The following HECW1 variants were observed in gnomAD, a reference collection of about 807,000 sequenced individuals.
HECW1 encodes E3 ubiquitin-protein ligase HECW1.
HECW1 carries 61 observed loss-of-function variants against 182.3 expected under a neutral mutation model. That is an observed-to-expected ratio of 0.33 (90% CI 0.27 to 0.41). The LOEUF (loss-of-function observed/expected upper bound fraction) is 0.41, where lower values mean the gene tolerates loss of function less well. HECW1 is among the 10% of genes least tolerant of loss of function. The probability of loss-of-function intolerance (pLI) is 1.00; values close to 1 mark genes in which losing one functional copy is unlikely to be tolerated. For missense variants in HECW1, 1,739 were observed against 2,108.9 expected (o/e 0.82, Z 3.44); for synonymous variants, 859 against 832.6 (o/e 1.03, Z -0.55).
Position 43,444,182 on chromosome 7 carries a change from C to T in HECW1, c.1046-36C>T, listed in dbSNP as rs779538719. ...TATCCTAACACCACAATGCTCTCTTCTGGGAGAAATGACATATTTTTCTTC... is the reference window on the plus strand; with the variant it reads ...TATCCTAACACCACAATGCTCTCTTTTGGGAGAAATGACATATTTTTCTTC... On this transcript the variant is annotated intron_variant, in intron 10 of 29. Coordinates refer to ENST00000395891, the MANE Select transcript of HECW1 (RefSeq NM_015052.5). The surrounding 1 kb of genome is among the most constrained non-coding windows in gnomAD (Gnocchi z 4.3). The T allele has an allele frequency of 8.3e-6, 13 of 1,566,572 alleles. No homozygotes were observed. The South Asian group carries it at 1.6e-4, about 19-fold the overall frequency.
rs777991239 is a variant in HECW1, at chr7:43,407,573, A to C, written c.643A>C (p.Met215Leu). ...CCTTTATTTTATAGATTTCCAAGCC[A>C]TGGGGTTGAAGAAAGGGATGTTTTT... ...ISFSLSDFQA[M>L]GLKKGMFFNP... The change falls in exon 8 of 30, where the codon ATG becomes CTG. Residue 215 changes from methionine to leucine, a missense_variant. Met to Leu is a conservative substitution (Grantham distance 15). Transcript: ENST00000395891. The C allele has an allele frequency of 6.2e-7, 1 of 1,611,808 alleles. No homozygotes were observed. Among genetic ancestry groups the C allele is most frequent in the East Asian group, 2.2e-5 (1 of 44,848 alleles).
At chr7:43,480,666 T>C (rs28464620) in intron 17 of HECW1, among the ~76,000 whole-genome samples, 2 of 149,030 alleles carry the variant, frequency 1.3e-5, no homozygotes, top group Non-Finnish European at 3.0e-5. Context: ...TGTATATATA[T>C]ACACACACAT....
chr7:43,505,454 C>T (rs2079538259), intron 21 of HECW1, among the ~76,000 whole-genome samples: 1 of 152,184 alleles, frequency 6.6e-6, no homozygotes, highest in Non-Finnish European at 1.5e-5. Context: ...ATTCAAGTGA[C>T]ATCATGCCAG....
At chr7:43,428,203 G>A (rs2076422855) in intron 8 of HECW1, among the ~76,000 whole-genome samples, 1 of 152,262 alleles carries the variant, frequency 6.6e-6, no homozygotes, top group South Asian at 2.1e-4. Context: ...TCACTATAAC[G>A]TAATCCGTAG....
chr7:43,311,514 G>A (rs915258539), intron 3 of HECW1: 1 of 701,814 alleles, frequency 1.4e-6, no homozygotes, highest in Non-Finnish European at 2.6e-6. Context: ...GAGAGGCAGA[G>A]ACTCCAACAA....
intron 24 of HECW1, among the ~76,000 whole-genome samples, chr7:43,532,052 G>A (rs2081013690): frequency 6.6e-6 from 1 of 152,158 alleles, no homozygotes; most frequent in South Asian, 2.1e-4. Flanking sequence ...GATATAAATA[G>A]GCAGCACAAA....
chr7:43,287,363 G>A (rs924748406), intron 3 of HECW1, among the ~76,000 whole-genome samples: 9 of 152,058 alleles, frequency 5.9e-5, no homozygotes, highest in Admixed American at 6.5e-5. Context: ...CAGAGGCCCC[G>A]AGGCAGGGTT....
intron 2 of HECW1, among the ~76,000 whole-genome samples, chr7:43,129,290 C>A (rs35098929): frequency 6.6e-6 from 1 of 152,174 alleles, no homozygotes; most frequent in Non-Finnish European, 1.5e-5. Flanking sequence ...GTCACCCAAC[C>A]TTCAGTAACC....
At chr7:43,442,673 A>G (rs1471572493) in intron 10 of HECW1, 44 bp downstream of exon 10, 6 of 1,305,350 alleles carry the variant, frequency 4.6e-6, no homozygotes, top group African/African-American at 4.4e-5. Context: ...GGCTAGTGTC[A>G]TAAGTGTGGT....
intron 8 of HECW1, among the ~76,000 whole-genome samples, chr7:43,426,078 A>G (rs1475382169): frequency 1.3e-5 from 2 of 152,146 alleles, no homozygotes; most frequent in Admixed American, 6.5e-5. Context: ...CTTGCTAACA[A>G]GCTGTCTGAT....
intron 2 of HECW1, among the ~76,000 whole-genome samples, chr7:43,174,604 C>T (rs916887622): frequency 1.3e-5 from 2 of 152,202 alleles, no homozygotes; most frequent in Non-Finnish European, 2.9e-5. Flanking sequence ...CTGGCCACCA[C>T]GTCAAAGCTT....
At chr7:43,481,923 C>T (rs1038816575) in intron 17 of HECW1, among the ~76,000 whole-genome samples, 6 of 146,794 alleles carry the variant, frequency 4.1e-5, no homozygotes, top group African/African-American at 1.5e-4. Flanking sequence ...TGCAGTGAGC[C>T]GAGATGGCAC....
At chr7:43,154,430 TA>T (rs1224494113) in intron 2 of HECW1, among the ~76,000 whole-genome samples, 1 of 152,188 alleles carries the variant, frequency 6.6e-6, no homozygotes, top group Non-Finnish European at 1.5e-5. Flanking sequence ...TAAATTATGG[TA>T]AAATCTCCCC....
At chr7:43,198,738 A>C (rs963654697) in intron 2 of HECW1, among the ~76,000 whole-genome samples, 1 of 150,618 alleles carries the variant, frequency 6.6e-6, no homozygotes, top group African/African-American at 2.5e-5. Flanking sequence ...CTCACACCCC[A>C]CACTCTCACA....
intron 21 of HECW1, among the ~76,000 whole-genome samples, chr7:43,503,987 A>G (rs1467163312): frequency 6.6e-6 from 1 of 152,120 alleles, no homozygotes; most frequent in East Asian, 1.9e-4. Flanking sequence ...CCTCAGGCCC[A>G]GGTGTTTGGG....
chr7:43,374,528 A>C (rs1448701595), intron 6 of HECW1, among the ~76,000 whole-genome samples: 1 of 57,910 alleles, frequency 1.7e-5, no homozygotes. Flanking sequence ...CAACAGATGC[A>C]CTTTGGGAGG....
chr7:43,322,088 A>G (rs1385825217), intron 5 of HECW1, among the ~76,000 whole-genome samples: 2 of 152,092 alleles, frequency 1.3e-5, no homozygotes, highest in African/African-American at 4.8e-5. Flanking sequence ...CTTTTTTTTG[A>G]GACGGAGTTT....
rs777952072 is a variant in HECW1, at chr7:43,445,445, TG to T, written c.2275del (p.Asp759ThrfsTer53). On this transcript the variant is annotated frameshift_variant, in exon 11 of 30. Transcript: ENST00000395891. LOFTEE classifies it high-confidence loss of function. ...SVPDSMQSPE[L>X]DPESTNGAGP... ...CCCGACTCCATGCAGAGCCCTGAGC[TG>T]GACCCGGAGTCCACGAACGGCGCTG... 6.2e-7 allele frequency: 1 copy of T among 1,613,136 alleles called. No homozygotes were observed. The highest frequency in any genetic ancestry group is 8.5e-7 in the Non-Finnish European group (1 of 1,179,900).
intron 12 of HECW1, among the ~76,000 whole-genome samples, chr7:43,455,573 C>T (rs1398542126): frequency 6.6e-6 from 1 of 152,232 alleles, no homozygotes; most frequent in Non-Finnish European, 1.5e-5. Context: ...ATACCCCAAT[C>T]TTCCACAGCT....
Sources: gnomAD v4.1 joint callset for allele counts (sites outside exome capture counted in the v4.1 genomes callset) on GRCh38, gnomAD v4.1.1 for gene constraint, Gnocchi (gnomAD v3.1) non-coding constraint, MANE v1.5 for transcripts, NCBI Gene and HGNC (gene_info 2026-07-23, HGNC 2026-07-21) for gene names.